The following SPOCK3 variants were observed in gnomAD, a reference collection of about 807,000 sequenced individuals.
SPOCK3 encodes SPARC (osteonectin), cwcv and kazal like domains proteoglycan 3, also known as testican-3.
SPOCK3 carries 30 observed loss-of-function variants against 56.6 expected under a neutral mutation model. The ratio of observed to expected loss-of-function variants is 0.53; its 90% CI spans 0.40 to 0.72. SPOCK3 has a LOEUF of 0.72. SPOCK3 is among the 30% of genes least tolerant of loss of function. The pLI, the probability that SPOCK3 is intolerant of heterozygous loss-of-function variation, is 0.00. For missense variants in SPOCK3, 527 were observed against 530.0 expected, an observed-to-expected ratio of 0.99 and a Z score of 0.06; for synonymous variants, 196 against 183.3, an observed-to-expected ratio of 1.07 and a Z score of -0.56.
At position 166,853,284 on chromosome 4, in the gene SPOCK3, T is replaced by C. The variant is rs115206846; in HGVS notation, c.589+35846A>G. On this transcript the variant is annotated intron_variant, in intron 6 of 10. Transcript: ENST00000357545. Reference sequence around the variant, plus strand: ...GTGAAATTCAAAGTCAAATGTAAGATAGGTGAATAGTTATTTTATTGTAAG... The same window carrying C: ...GTGAAATTCAAAGTCAAATGTAAGACAGGTGAATAGTTATTTTATTGTAAG... Among the ~76,000 whole-genome samples the C allele has an allele frequency of 7.8e-3, 1,192 of 152,308 alleles. 17 individuals carry two copies. Among genetic ancestry groups the C allele is most frequent in the African/African-American group, 0.027 (1,136 of 41,572 alleles).
intron 8 of SPOCK3, among the ~76,000 whole-genome samples, chr4:166,753,021 C>A (rs1445525766): frequency 6.6e-6 from 1 of 151,798 alleles, no homozygotes; most frequent in Non-Finnish European, 1.5e-5. Flanking sequence ...ACATAGATAA[C>A]ATAAAATTTT....
At chr4:167,101,523 T>C (rs576963566) in intron 2 of SPOCK3, among the ~76,000 whole-genome samples, 6 of 151,972 alleles carry the variant, frequency 3.9e-5, no homozygotes. Context: ...GATCATATTA[T>C]GCTTGCTAAT....
At chr4:166,886,958 C>T (rs1734261635) in intron 6 of SPOCK3, among the ~76,000 whole-genome samples, 1 of 152,114 alleles carries the variant, frequency 6.6e-6, no homozygotes, top group Non-Finnish European at 1.5e-5. Flanking sequence ...ACTTGCGTTG[C>T]CCTGACAATT....
intron 2 of SPOCK3, among the ~76,000 whole-genome samples, chr4:167,063,667 C>A (rs1232573322): frequency 1.3e-5 from 2 of 151,840 alleles, no homozygotes; most frequent in African/African-American, 4.8e-5. Flanking sequence ...TCTCAGCTTT[C>A]ACCCCTCACA....
intron 10 of SPOCK3, 131 bp from the exon 11 acceptor site, chr4:166,735,221 T>C (rs570455794): frequency 3.3e-6 from 2 of 614,894 alleles, no homozygotes; most frequent in South Asian, 2.4e-5. Flanking sequence ...TTATCAAAGA[T>C]AATGAAAGAT....
rs932073801 is a variant in SPOCK3 at position 167,194,201 on chromosome 4, T to C, written c.189+39784A>G. 1.4e-5 allele frequency among the ~76,000 whole-genome samples: 2 copies of C among 146,942 alleles called. 1 individual carries two copies. The highest frequency in any genetic ancestry group is 5.2e-5 in the African/African-American group (2 of 38,644). ...CTAAGGCAGGTTTTAAAATTCTCTA[T>C]GAATATTTCACTTCTGTCATTGTAT... On this transcript the variant is annotated intron_variant, in intron 2 of 10. Transcript: ENST00000357545.
chr4:167,111,105 CAT>C (rs1760865707), intron 2 of SPOCK3, among the ~76,000 whole-genome samples: 1 of 151,600 alleles, frequency 6.6e-6, no homozygotes, highest in Admixed American at 6.6e-5. Flanking sequence ...AAATAAATGA[CAT>C]ATTTTCAAAT....
chr4:166,918,258 A>C (rs1738094204), intron 4 of SPOCK3: 2 of 152,176 alleles, frequency 1.3e-5, no homozygotes, highest in South Asian at 2.1e-4. Flanking sequence ...GAACTTACTA[A>C]ATCTACAATG....
chr4:166,865,384 CCT>C (rs952554075), intron 6 of SPOCK3, among the ~76,000 whole-genome samples: 2 of 152,038 alleles, frequency 1.3e-5, no homozygotes, highest in African/African-American at 4.8e-5. Context: ...ACAAAGATGC[CCT>C]CTCTCACCAC....
chr4:167,053,590 C>A (rs568654319), intron 3 of SPOCK3, among the ~76,000 whole-genome samples: 3 of 151,972 alleles, frequency 2.0e-5, no homozygotes, highest in South Asian at 2.1e-4. Context: ...GAGGCTGAGG[C>A]AGGAGAATTG....
intron 2 of SPOCK3, among the ~76,000 whole-genome samples, chr4:167,223,404 TAGAG>T (rs1253487626): frequency 1.3e-5 from 2 of 148,554 alleles, no homozygotes; most frequent in East Asian, 3.9e-4. Flanking sequence ...ATATTATATA[TAGAG>T]AGAGATATAT....
At chr4:167,121,869 ATATT>A (rs1207629636) in intron 2 of SPOCK3, among the ~76,000 whole-genome samples, 1 of 152,138 alleles carries the variant, frequency 6.6e-6, no homozygotes, top group Non-Finnish European at 1.5e-5. Flanking sequence ...TATTAATACT[ATATT>A]TAATAAAACT....
chr4:166,819,125 C>A (rs1022135970), intron 6 of SPOCK3, among the ~76,000 whole-genome samples: 17 of 151,996 alleles, frequency 1.1e-4, no homozygotes, highest in Admixed American at 6.6e-5. Flanking sequence ...ACATGATGAT[C>A]TCAATAGATT....
At chr4:167,123,739 T>TC (rs1428150128) in intron 2 of SPOCK3, among the ~76,000 whole-genome samples, 6 of 143,628 alleles carry the variant, frequency 4.2e-5, no homozygotes, top group Non-Finnish European at 7.6e-5. Context: ...ACATTTCTTT[T>TC]CTTTTTTTTT....
intron 3 of SPOCK3, among the ~76,000 whole-genome samples, chr4:167,057,364 A>T (rs2150234356): frequency 6.6e-6 from 1 of 152,344 alleles, no homozygotes; most frequent in Admixed American, 6.5e-5. Context: ...GAGGCTAGGA[A>T]GAAACTGCAT....
At chr4:167,183,040 G>A (rs1022892142) in intron 2 of SPOCK3, among the ~76,000 whole-genome samples, 1 of 152,038 alleles carries the variant, frequency 6.6e-6, no homozygotes, top group Non-Finnish European at 1.5e-5. Flanking sequence ...GACTGTGCAA[G>A]TTCCTGATTG....
chr4:166,844,924 G>C (rs1289190447), intron 6 of SPOCK3, among the ~76,000 whole-genome samples: 1 of 152,138 alleles, frequency 6.6e-6, no homozygotes, highest in African/African-American at 2.4e-5. Context: ...GTGATATCTG[G>C]TTCTAATCTT....
chr4:166,767,560 G>T (rs996348847), intron 7 of SPOCK3, among the ~76,000 whole-genome samples: 49 of 152,318 alleles, frequency 3.2e-4, no homozygotes, highest in African/African-American at 1.2e-3. Context: ...GAGACACTTT[G>T]TTATAATTTC....
chr4:166,753,537 C>T (rs947853407), intron 8 of SPOCK3, among the ~76,000 whole-genome samples: 7 of 151,968 alleles, frequency 4.6e-5, no homozygotes, highest in African/African-American at 1.7e-4. Flanking sequence ...ATATTCATTT[C>T]ATCCCTAATT....
Sources: allele counts gnomAD v4.1 joint callset (sites outside exome capture counted in the v4.1 genomes callset), GRCh38; gene constraint gnomAD v4.1.1; transcripts MANE v1.5; gene names NCBI Gene and HGNC (gene_info 2026-07-23, HGNC 2026-07-21).